The following KCNAB2 variants were observed in gnomAD, a reference collection of about 807,000 sequenced individuals.
KCNAB2 encodes the protein potassium voltage-gated channel subfamily A regulatory beta subunit 2.
In KCNAB2, 29 loss-of-function variants were observed where a neutral mutation model predicts 63.6. That is an observed-to-expected ratio of 0.46 (90% confidence interval 0.34 to 0.62). The LOEUF (loss-of-function observed/expected upper bound fraction) is 0.62. Ranked by LOEUF, KCNAB2 falls within the 20% of genes least tolerant of loss-of-function variation. KCNAB2 has a pLI of 0.01. For missense variants in KCNAB2, 359 were observed against 563.9 expected, an observed-to-expected ratio of 0.64 and a Z score of 3.68; for synonymous variants, 222 against 224.2, an observed-to-expected ratio of 0.99 and a Z score of 0.09.
At chr1:6,082,724 G>A (rs1390482822) in intron 5 of KCNAB2, among the ~76,000 whole-genome samples, 1 of 152,200 alleles carries the variant, frequency 6.6e-6, no homozygotes, top group African/African-American at 2.4e-5. Flanking sequence ...TTATGTAAAA[G>A]CTCAGCCTTC....
intron 1 of KCNAB2, among the ~76,000 whole-genome samples, chr1:5,993,208 C>T (rs567259211): frequency 5.5e-4 from 84 of 152,018 alleles, no homozygotes; most frequent in African/African-American, 1.9e-3. Context: ...GCTGCTGTTC[C>T]CGGTCCTCCC....
intron 4 of KCNAB2, among the ~76,000 whole-genome samples, 185 bp from the exon 5 acceptor site, chr1:6,082,010 T>G (rs1413297800): frequency 6.6e-6 from 1 of 152,246 alleles, no homozygotes; most frequent in Non-Finnish European, 1.5e-5. Flanking sequence ...GGTTTGTTAC[T>G]GAGAGCTGCC....
At chr1:6,002,570 G>A (rs544618918) in intron 1 of KCNAB2, among the ~76,000 whole-genome samples, 24 of 152,358 alleles carry the variant, frequency 1.6e-4, no homozygotes, top group East Asian at 9.6e-4. Context: ...CCACACCACC[G>A]ATGAGGACAC....
In KCNAB2 at chr1:6,100,146, C is replaced by T; in HGVS notation, c.*1572C>T. The stretch of plus-strand genomic sequence containing the variant: ...CACCCTGCCGTCCTGCGGGAGCCTG[C>T]TGTCCAGTCCTGGCCGGGCCAAGGC... On this transcript the variant is annotated 3_prime_UTR_variant, in exon 16 of 16. Coordinates refer to ENST00000378083, the MANE Select transcript of KCNAB2 (RefSeq NM_001199862.2). 2 of 1,392,272 alleles carry T rather than the reference C, an allele frequency of 1.4e-6. No individual in the cohort carries two copies. Among genetic ancestry groups the T allele is most frequent in the Non-Finnish European group, 1.9e-6 (2 of 1,061,834 alleles). 86.2% of individuals were successfully genotyped at this position (1,392,272 alleles called of 1,614,324 possible).
In KCNAB2 at chr1:6,035,251, C is replaced by G. The variant is rs1352178035; in HGVS notation, c.-53+457C>G. Among the ~76,000 whole-genome samples the G allele has an allele frequency of 6.6e-5, 10 of 151,990 alleles. No homozygotes were observed. Among genetic ancestry groups the G allele is most frequent in the African/African-American group, 2.4e-4 (10 of 41,364 alleles). On this transcript the variant is annotated intron_variant, in intron 1 of 15. Transcript: ENST00000164247. This position sits in a 1 kb window ranked among gnomAD's most constrained non-coding sequence, Gnocchi z 5.0. The stretch of plus-strand genomic sequence containing the variant: ...AGGGGCCAGTGTGTGAGGGGCTCAG[C>G]GGGGGATGTGGCTAGAAAGGTTGTG...
intron 1 of KCNAB2, 142 bp from the exon 2 acceptor site, chr1:6,051,362 GGCCGGGT>G: frequency 1.1e-6 from 1 of 889,944 alleles, no homozygotes; most frequent in Non-Finnish European, 1.6e-6. Context: ...TACATCCAGG[GGCCGGGT>G]CCCACTCCTA....
chr1:6,036,527 T>A (rs1285004039), intron 1 of KCNAB2, among the ~76,000 whole-genome samples: 1 of 152,032 alleles, frequency 6.6e-6, no homozygotes, highest in Non-Finnish European at 1.5e-5. Context: ...GAAACTGTGT[T>A]TTTTGTTTTC....
chr1:6,009,883 T>A (rs1426238183), intron 1 of KCNAB2, among the ~76,000 whole-genome samples: 1 of 151,552 alleles, frequency 6.6e-6, no homozygotes, highest in East Asian at 1.9e-4. Context: ...CTTTTTTTTT[T>A]TTTTTCCGAC....
chr1:6,064,645 G>A (rs899655431), intron 2 of KCNAB2, among the ~76,000 whole-genome samples: 4 of 152,282 alleles, frequency 2.6e-5, no homozygotes, highest in Middle Eastern at 3.4e-3. Context: ...ATGAGCTCCC[G>A]GGAGGCCAGG....
chr1:6,065,558 G>C (rs1378734550), intron 2 of KCNAB2, among the ~76,000 whole-genome samples: 1 of 152,206 alleles, frequency 6.6e-6, no homozygotes, highest in East Asian at 1.9e-4. Flanking sequence ...GCGGCCCTGC[G>C]CAGCCCCCCA....
At position 6,035,574 on chromosome 1, in the gene KCNAB2, G is replaced by T. The variant is rs60079561; in HGVS notation, c.-53+780G>T. On this transcript the variant is annotated intron_variant, in intron 1 of 15. Coordinates refer to the KCNAB2 transcript ENST00000164247. This position sits in a 1 kb window ranked among gnomAD's most constrained non-coding sequence, Gnocchi z 5.0. Reference sequence around the variant, plus strand: ...GGAGTCGGGGTGACTCCCGGGAGTGGGACTGACACCTGGGAGGGTGGGGAG... The same window carrying T: ...GGAGTCGGGGTGACTCCCGGGAGTGTGACTGACACCTGGGAGGGTGGGGAG... Among the ~76,000 whole-genome samples the T allele has an allele frequency of 3.0e-3, 458 of 152,146 alleles. 3 individuals carry two copies. Among genetic ancestry groups the T allele is most frequent in the African/African-American group, 0.011 (439 of 41,506 alleles).
rs570639871 is a variant in KCNAB2 at position 6,002,188 on chromosome 1, G to A, written c.-53+9400G>A. On this transcript the variant is annotated intron_variant, in intron 1 of 16. Transcript: ENST00000341524. ...CTCCCTGATTTCATCTCCCCTGGCC[G>A]TGGCAGGCAGAGAGAAGCCTTCAGA... Among the ~76,000 whole-genome samples, 7 of 152,334 alleles carry A rather than the reference G, an allele frequency of 4.6e-5. 1 individual carries two copies. In the South Asian group the frequency reaches 1.0e-3, roughly 23 times the overall value.
intron 2 of KCNAB2, among the ~76,000 whole-genome samples, chr1:6,056,008 G>A (rs1661789585): frequency 6.6e-6 from 1 of 152,184 alleles, no homozygotes; most frequent in African/African-American, 2.4e-5. Context: ...GAACTGAGCT[G>A]TAGCTGATGG....
In KCNAB2 at chr1:6,073,737, A is replaced by G. The variant is rs768764640; in HGVS notation, c.267A>G (p.Thr89=). 1.7e-5 allele frequency: 27 copies of G among 1,614,088 alleles called. No homozygotes were observed. The highest frequency in any genetic ancestry group is 3.3e-5 in the Admixed American group (2 of 60,010). ...AGCCCCTGTGTCTCCTTCCAGGAACATGGGTGACCTTCGGAGGCCAGATCA... is the reference window on the plus strand; with the variant it reads ...AGCCCCTGTGTCTCCTTCCAGGAACGTGGGTGACCTTCGGAGGCCAGATCA... ...GLRVSCLGLG[T]WVTFGGQITD... The change falls in exon 4 of 16, where the codon ACA becomes ACG. Residue 89 remains threonine, a synonymous_variant. Transcript: ENST00000378083. The surrounding 1 kb of genome is among the most constrained non-coding windows in gnomAD (Gnocchi z 5.7).
chr1:6,025,102 C>T (rs1172518024), intron 1 of KCNAB2, among the ~76,000 whole-genome samples: 3 of 152,172 alleles, frequency 2.0e-5, no homozygotes, highest in African/African-American at 7.2e-5. Flanking sequence ...CTCTCGACAC[C>T]TCTACTTTCC....
rs1044319063 is a variant in KCNAB2, at chr1:6,028,288, A to T, written c.-52-12229A>T. On this transcript the variant is annotated intron_variant, in intron 1 of 16. Coordinates refer to the KCNAB2 transcript ENST00000341524. This position sits in a 1 kb window ranked among gnomAD's most constrained non-coding sequence, Gnocchi z 4.0. ...GTGTCATGCGGTTTTGAGCAGTTATACCTCTTCCTGTCTCCGCTGGAAGCA... is the reference window on the plus strand; with the variant it reads ...GTGTCATGCGGTTTTGAGCAGTTATTCCTCTTCCTGTCTCCGCTGGAAGCA... 3.3e-5 allele frequency among the ~76,000 whole-genome samples: 5 copies of T among 152,052 alleles called. No homozygotes were observed. The highest frequency in any genetic ancestry group is 6.6e-5 in the Admixed American group (1 of 15,266).
chr1:6,076,338 G>A (rs1410323584), intron 4 of KCNAB2, among the ~76,000 whole-genome samples: 1 of 152,174 alleles, frequency 6.6e-6, no homozygotes, highest in African/African-American at 2.4e-5. Flanking sequence ...GCCCATGAAG[G>A]GATCAAACTA....
rs1241488372 is a variant in KCNAB2, at chr1:6,085,346, C to T, written c.425+98C>T. 39 of 998,686 alleles carry T rather than the reference C, an allele frequency of 3.9e-5. No individual in the cohort carries two copies. The South Asian group carries it at 4.1e-4, about 11-fold the overall frequency. 61.9% of individuals were successfully genotyped at this position (998,686 alleles called of 1,614,324 possible). ...GCCTGTCGTGCAGTGTCGTAAGGCC[C>T]GCAAGTCCCCACATCTTTCTTGCTG... On this transcript the variant is annotated intron_variant, in intron 6 of 15. Transcript: ENST00000378083.
intron 1 of KCNAB2, among the ~76,000 whole-genome samples, chr1:6,012,808 G>A (rs1324509181): frequency 6.6e-6 from 1 of 152,030 alleles, no homozygotes; most frequent in Admixed American, 6.6e-5. Context: ...TGGTAGAGGT[G>A]GAGGTGACAG....
Sources: gnomAD v4.1 joint callset for allele counts (sites outside exome capture counted in the v4.1 genomes callset) on GRCh38, gnomAD v4.1.1 for gene constraint, Gnocchi (gnomAD v3.1) non-coding constraint, MANE v1.5 for transcripts, NCBI Gene and HGNC (gene_info 2026-07-23, HGNC 2026-07-21) for gene names.